The following PFDN1 variants were observed in gnomAD, a reference collection of about 807,000 sequenced individuals.
PFDN1 encodes prefoldin 1.
PFDN1 carries 6 observed loss-of-function variants against 17.3 expected under a neutral mutation model. The observed-to-expected ratio is 0.35, with a 90% CI of 0.19 to 0.69. The LOEUF is 0.69. PFDN1 is among the 30% of genes least tolerant of loss of function. The pLI is 0.65. For missense variants in PFDN1, 113 were observed against 146.2 expected (o/e 0.77, Z 1.17); for synonymous variants, 58 against 50.1 (o/e 1.16, Z -0.67).
At chr5:140,250,446 G>A (rs144045975) in intron 3 of PFDN1, among the ~76,000 whole-genome samples, 307 of 150,366 alleles carry the variant, frequency 2.0e-3, no homozygotes, top group African/African-American at 7.3e-3. Flanking sequence ...CCTTATCTGC[G>A]AGGCCTTCTT....
At chr5:140,248,357 G>A (rs1365913033) in intron 3 of PFDN1, among the ~76,000 whole-genome samples, 4 of 152,090 alleles carry the variant, frequency 2.6e-5, no homozygotes, top group Admixed American at 1.3e-4. Flanking sequence ...GTGAGCCACC[G>A]TGCCAGGCCG....
intron 2 of PFDN1, among the ~76,000 whole-genome samples, chr5:140,286,843 G>C (rs1360987655): frequency 6.6e-6 from 1 of 152,006 alleles, no homozygotes; most frequent in Non-Finnish European, 1.5e-5. Context: ...GACCTCAGGG[G>C]ATCCAACCGC....
intron 3 of PFDN1, chr5:140,280,831 T>C (rs1481040358): frequency 6.6e-6 from 1 of 152,168 alleles, no homozygotes; most frequent in Non-Finnish European, 1.5e-5. Flanking sequence ...CTAAAGGTCT[T>C]AATGTATAAA....
At chr5:140,253,583 C>T (rs1488911614) in intron 3 of PFDN1, among the ~76,000 whole-genome samples, 2 of 152,174 alleles carry the variant, frequency 1.3e-5, no homozygotes, top group East Asian at 3.8e-4. Flanking sequence ...ATAGAAAGCT[C>T]AGAGTGAAGC....
chr5:140,282,631 T>G (rs908040733), intron 2 of PFDN1, among the ~76,000 whole-genome samples: 4 of 152,226 alleles, frequency 2.6e-5, no homozygotes, highest in African/African-American at 9.6e-5. Context: ...ATCAGGCACA[T>G]TATTTACCAC....
chr5:140,297,586 T>C (rs962124282), intron 2 of PFDN1, among the ~76,000 whole-genome samples: 4 of 152,228 alleles, frequency 2.6e-5, no homozygotes, highest in African/African-American at 9.6e-5. Flanking sequence ...AGCTCAACTT[T>C]ATCCAAACAT....
chr5:140,267,339 A>C (rs1016418210), intron 3 of PFDN1, among the ~76,000 whole-genome samples: 31 of 152,244 alleles, frequency 2.0e-4, no homozygotes, highest in African/African-American at 7.2e-4. Context: ...TAAAAGCTAA[A>C]TGCACATTTC....
At chr5:140,274,150 A>T (rs1402906749) in intron 3 of PFDN1, among the ~76,000 whole-genome samples, 1 of 152,194 alleles carries the variant, frequency 6.6e-6, no homozygotes, top group Non-Finnish European at 1.5e-5. Context: ...GCAAAACCAG[A>T]GGATGAATTT....
intron 3 of PFDN1, among the ~76,000 whole-genome samples, chr5:140,247,419 C>T (rs1231900493): frequency 3.3e-5 from 5 of 152,092 alleles, no homozygotes; most frequent in African/African-American, 9.7e-5. Context: ...GCATTACAGG[C>T]GTGAGCCACC....
At chr5:140,288,788 C>T (rs1765536427) in intron 2 of PFDN1, among the ~76,000 whole-genome samples, 1 of 151,884 alleles carries the variant, frequency 6.6e-6, no homozygotes, top group Admixed American at 6.6e-5. Flanking sequence ...AGTTCGACAC[C>T]AGCCTGGACA....
chr5:140,258,440 TAAAAAAAA>T (rs562501324), intron 3 of PFDN1, among the ~76,000 whole-genome samples: 1 of 120,958 alleles, frequency 8.3e-6, no homozygotes, highest in African/African-American at 3.2e-5. Context: ...GCTGTACTGT[TAAAAAAAA>T]AAAAAAAAAA....
chr5:140,256,042 C>T (rs1455813380), intron 3 of PFDN1, among the ~76,000 whole-genome samples: 1 of 152,186 alleles, frequency 6.6e-6, no homozygotes, highest in Non-Finnish European at 1.5e-5. Context: ...GTTCTTGGAA[C>T]ACTTTCTCCT....
rs1392529500 is a variant in PFDN1 at position 140,300,653 on chromosome 5, T to C, written c.34-71A>G. The C allele has an allele frequency of 1.2e-5, 12 of 1,035,802 alleles. No individual in the cohort carries two copies. The Admixed American group carries it at 1.7e-4, about 15-fold the overall frequency. 64.2% of individuals were successfully genotyped at this position (1,035,802 alleles called of 1,614,324 possible). ...GAAACATTTACCTCAAATCCAAATA[T>C]ATTAAAACAAAATATGCTAGCCAGA... On this transcript the variant is annotated intron_variant, in intron 1 of 3. Transcript: ENST00000261813.
At chr5:140,264,685 C>T (rs899327461) in intron 3 of PFDN1, among the ~76,000 whole-genome samples, 2 of 150,806 alleles carry the variant, frequency 1.3e-5, no homozygotes, top group African/African-American at 4.9e-5. Flanking sequence ...AAAAAAAAAA[C>T]ACAGAATTAA....
intron 3 of PFDN1, among the ~76,000 whole-genome samples, chr5:140,274,285 T>C (rs2126688066): frequency 6.6e-6 from 1 of 152,312 alleles, no homozygotes; most frequent in East Asian, 1.9e-4. Context: ...AAAAAGAAAA[T>C]TATTTTACAA....
chr5:140,259,163 G>T (rs968718450), intron 3 of PFDN1, among the ~76,000 whole-genome samples: 1 of 152,126 alleles, frequency 6.6e-6, no homozygotes, highest in Non-Finnish European at 1.5e-5. Flanking sequence ...AAATGGTTGG[G>T]GGCTAGAAAG....
intron 3 of PFDN1, among the ~76,000 whole-genome samples, chr5:140,252,679 C>A (rs1244941187): frequency 6.6e-6 from 1 of 152,136 alleles, no homozygotes; most frequent in East Asian, 1.9e-4. Context: ...TGGCAAGAGG[C>A]CAAGAACTCA....
At chr5:140,279,133 G>GTA (rs1489349403) in intron 3 of PFDN1, among the ~76,000 whole-genome samples, 2 of 152,120 alleles carry the variant, frequency 1.3e-5, no homozygotes, top group Admixed American at 6.5e-5. Context: ...AAAAGGTTGT[G>GTA]TATATATATG....
Position 140,285,015 on chromosome 5 carries a change from A to T in PFDN1, c.201-3482T>A, listed in dbSNP as rs140681954. ...TTATAACTCAGTATGAATCAAAACCATTGTTCACCTGCCCAAAACACAATC... is the reference window on the plus strand; with the variant it reads ...TTATAACTCAGTATGAATCAAAACCTTTGTTCACCTGCCCAAAACACAATC... On this transcript the variant is annotated intron_variant, in intron 2 of 3. Transcript: ENST00000261813. Among the ~76,000 whole-genome samples, 109 of 152,340 alleles carry T rather than the reference A, an allele frequency of 7.2e-4. No individual in the cohort carries two copies. In the East Asian group the frequency reaches 0.018, roughly 25 times the overall value.
Sources: allele counts gnomAD v4.1 joint callset (sites outside exome capture counted in the v4.1 genomes callset), GRCh38; gene constraint gnomAD v4.1.1; transcripts MANE v1.5; gene names NCBI Gene and HGNC (gene_info 2026-07-23, HGNC 2026-07-21).